The following ITPR1 variants were observed in gnomAD, a reference collection of about 807,000 sequenced individuals.
ITPR1 encodes the protein inositol 1,4,5-trisphosphate receptor type 1, also known as inositol 1,4,5-trisphosphate-gated calcium channel ITPR1.
Under a neutral mutation model 318.4 loss-of-function variants are expected in ITPR1, and 96 were observed. That is an observed-to-expected ratio of 0.30 (90% confidence interval 0.26 to 0.36). The LOEUF (loss-of-function observed/expected upper bound fraction) is 0.36, where lower values mean the gene tolerates loss of function less well. Among genes scored for constraint, ITPR1 ranks in the 10% least tolerant of loss-of-function variants. The pLI is 1.00. For missense variants in ITPR1, 2,440 were observed against 3,460.2 expected (o/e 0.71, Z 7.40); for synonymous variants, 1,312 against 1,289.9 (o/e 1.02, Z -0.37).
Position 4,800,451 on chromosome 3 carries a change from C to T in ITPR1, c.6958C>T (p.Leu2320Phe). The T allele has an allele frequency of 1.9e-6, 3 of 1,614,010 alleles. No individual in the cohort carries two copies. The highest frequency in any genetic ancestry group is 2.5e-6 in the Non-Finnish European group (3 of 1,179,892). ...AACCCTGGAGCCCCACTGGTCGGGACTCCTGTGGACAGCCATGCTCATCTC... is the reference window on the plus strand; with the variant it reads ...AACCCTGGAGCCCCACTGGTCGGGATTCCTGTGGACAGCCATGCTCATCTC... ...GGTLEPHWSG[L>F]LWTAMLISLA... is the part of the protein sequence containing the mutation. The change falls in exon 54 of 62, where the codon CTC (leucine) becomes TTC (phenylalanine). Residue 2320 changes from leucine (L) to phenylalanine (F), a missense_variant. This residue lies in a region of ITPR1 where 126 missense variants were observed against 150.8 expected (regional missense o/e 0.84). Coordinates refer to ENST00000649015, the MANE Select transcript of ITPR1 (RefSeq NM_001378452.1).
At position 4,624,638 on chromosome 3, in the gene ITPR1, C is replaced by G. The variant is rs146978416; in HGVS notation, c.164-3125C>G. On this transcript the variant is annotated intron_variant, in intron 4 of 61. Transcript: ENST00000649015. ...TGAGCCGAGATCGTGCCACTGCACT[C>G]CAGCCTGGGCAACAGAGCCAGGCTC... Among the ~76,000 whole-genome samples the G allele has an allele frequency of 9.8e-3, 1,438 of 146,496 alleles. 23 individuals are homozygous for G. Among genetic ancestry groups the G allele is most frequent in the African/African-American group, 0.035 (1,362 of 38,862 alleles).
At chr3:4,806,053 A>AGAG in intron 54 of ITPR1, 50 bp from the exon 55 acceptor site, 1 of 1,485,760 alleles carries the variant, frequency 6.7e-7, no homozygotes, top group Admixed American at 1.9e-5. Context: ...GCTCTCATGA[A>AGAG]GAGTTTGGCA....
In ITPR1 at chr3:4,847,108, T is replaced by C. The variant is rs1003279709; in HGVS notation, c.*883T>C. 1.3e-5 allele frequency: 2 copies of C among 152,646 alleles called. No homozygotes were observed. Among genetic ancestry groups the C allele is most frequent in the African/African-American group, 2.4e-5 (1 of 41,452 alleles). 9.5% of individuals were successfully genotyped at this position (152,646 alleles called of 1,614,324 possible). On this transcript the variant is annotated 3_prime_UTR_variant, in exon 62 of 62. Transcript: ENST00000649015. ...ACATGCATAATTGATGGTTTCTAGA[T>C]TATCTAGTCCAAACAATAGAGTTTA...
intron 4 of ITPR1, among the ~76,000 whole-genome samples, chr3:4,533,514 A>C (rs2124956811): frequency 1.3e-5 from 2 of 152,374 alleles, no homozygotes; most frequent in East Asian, 3.9e-4. Flanking sequence ...AAATACCTGC[A>C]ATACAGCCTC....
chr3:4,623,092 A>C lies in ITPR1; in HGVS notation c.164-4671A>C, dbSNP rs779759338. Among the ~76,000 whole-genome samples the C allele has an allele frequency of 2.0e-5, 3 of 152,240 alleles. No homozygotes were observed. The South Asian group carries it at 6.2e-4, about 32-fold the overall frequency. On this transcript the variant is annotated intron_variant, in intron 4 of 61. Transcript: ENST00000649015. ...TGCTTTCTCACTTTGCTTCTGCCCC[A>C]ACCCAGAGTGCTGGAAGCACACCTG...
intron 4 of ITPR1, among the ~76,000 whole-genome samples, chr3:4,609,872 T>C (rs2091970452): frequency 6.6e-6 from 1 of 152,166 alleles, no homozygotes; most frequent in Non-Finnish European, 1.5e-5. Context: ...AAACCAGCAG[T>C]GACAGCTCTG....
chr3:4,574,054 G>C (rs995759041), intron 4 of ITPR1, among the ~76,000 whole-genome samples: 11 of 152,202 alleles, frequency 7.2e-5, no homozygotes, highest in Admixed American at 6.5e-4. Context: ...GGTGCCCCAT[G>C]TACACATGGC....
chr3:4,575,713 TA>T (rs201350558), intron 4 of ITPR1, among the ~76,000 whole-genome samples: 1,600 of 141,934 alleles, frequency 0.011, 15 homozygotes, highest in African/African-American at 0.023. Context: ...ATGTCTTCTT[TA>T]AAAAAAAAAA....
intron 44 of ITPR1, among the ~76,000 whole-genome samples, chr3:4,752,465 C>T (rs551248022): frequency 5.9e-5 from 9 of 152,238 alleles, no homozygotes; most frequent in Non-Finnish European, 1.0e-4. Flanking sequence ...CGGATAAGCC[C>T]GTAGAGGTGA....
At chr3:4,820,900 GGGGGCT>G (rs1340711786) in intron 60 of ITPR1, among the ~76,000 whole-genome samples, 1 of 152,206 alleles carries the variant, frequency 6.6e-6, no homozygotes, top group Non-Finnish European at 1.5e-5. Context: ...TGGTGGGGGT[GGGGGCT>G]GGGGCCCCAT....
chr3:4,759,533 TCA>T (rs1456044458), intron 44 of ITPR1, among the ~76,000 whole-genome samples: 1 of 152,152 alleles, frequency 6.6e-6, no homozygotes, highest in East Asian at 1.9e-4. Flanking sequence ...TTTCTGGGCT[TCA>T]GTTTCCTCAT....
At chr3:4,587,883 C>T (rs2090055681) in intron 4 of ITPR1, among the ~76,000 whole-genome samples, 1 of 152,218 alleles carries the variant, frequency 6.6e-6, no homozygotes, top group Non-Finnish European at 1.5e-5. Flanking sequence ...AAGACAGCTT[C>T]TGCAGAGGTT....
At chr3:4,836,093 A>C (rs1251589986) in intron 60 of ITPR1, among the ~76,000 whole-genome samples, 2 of 152,218 alleles carry the variant, frequency 1.3e-5, no homozygotes, top group African/African-American at 4.8e-5. Context: ...GTATCTGTTA[A>C]GTGACAGAAC....
chr3:4,831,123 T>TCACACA (rs1318497804), intron 60 of ITPR1: 94 of 248,030 alleles, frequency 3.8e-4, no homozygotes, highest in Middle Eastern at 9.1e-4. Context: ...TCTCTCTCTC[T>TCACACA]CTCTCTCTCA....
chr3:4,507,840 T>G lies in ITPR1; in HGVS notation c.-16-8636T>G, dbSNP rs555922915. On this transcript the variant is annotated intron_variant, in intron 2 of 61. Coordinates refer to ENST00000649015, the MANE Select transcript of ITPR1 (RefSeq NM_001378452.1). Reference sequence around the variant, plus strand: ...TATTGCTCTTAGGTTCTGTCATAACTGGTGTTTAAGGAACCAGGATAGAAG... The same window carrying G: ...TATTGCTCTTAGGTTCTGTCATAACGGGTGTTTAAGGAACCAGGATAGAAG... 7.9e-5 allele frequency among the ~76,000 whole-genome samples: 12 copies of G among 152,366 alleles called. No individual in the cohort carries two copies. The South Asian group carries it at 2.5e-3, about 32-fold the overall frequency.
At chr3:4,540,203 T>A (rs2639810) in intron 4 of ITPR1, among the ~76,000 whole-genome samples, 119,966 of 152,036 alleles carry the variant, frequency 0.79, 48,716 homozygotes, top group Non-Finnish European at 0.89. Flanking sequence ...CAATTATTAT[T>A]ACTTTCTGGT....
At chr3:4,502,703 T>C (rs780551553) in intron 2 of ITPR1, among the ~76,000 whole-genome samples, 3 of 152,018 alleles carry the variant, frequency 2.0e-5, no homozygotes. Flanking sequence ...CCTCCCGAAG[T>C]GCTGGGATTA....
chr3:4,558,495 ATGGAAAGACG>A (rs1450003139), intron 4 of ITPR1, among the ~76,000 whole-genome samples: 3 of 152,204 alleles, frequency 2.0e-5, no homozygotes, highest in African/African-American at 7.2e-5. Flanking sequence ...ATGGTAAGGA[ATGGAAAGACG>A]TGGAAAAGTG....
chr3:4,502,193 CG>C (rs1559347882), intron 2 of ITPR1, among the ~76,000 whole-genome samples: 1 of 152,162 alleles, frequency 6.6e-6, no homozygotes. Context: ...CTGTCCACCT[CG>C]CCAGATCCTT....
Sources: allele counts gnomAD v4.1 joint callset (sites outside exome capture counted in the v4.1 genomes callset), GRCh38; gene constraint gnomAD v4.1.1; regional missense constraint gnomAD v4.1.1; transcripts MANE v1.5; gene names NCBI Gene and HGNC (gene_info 2026-07-23, HGNC 2026-07-21).